CFAP20DC: variants seen among roughly 807,000 people sequenced by gnomAD.
CFAP20DC encodes the protein protein CFAP20DC.
CFAP20DC carries 84 observed loss-of-function variants against 101.7 expected under a neutral mutation model. That is an observed-to-expected ratio of 0.83 (90% CI 0.69 to 0.99). CFAP20DC has a LOEUF of 0.99. Ranked by LOEUF, CFAP20DC falls within the 50% of genes least tolerant of loss-of-function variation. CFAP20DC has a pLI of 0.00. For synonymous variants in CFAP20DC, 359 were observed against 351.2 expected (o/e 1.02, Z -0.25); for missense variants, 1,007 against 970.3 (o/e 1.04, Z -0.50).
chr3:58,776,186 G>C (rs2071325348), intron 15 of CFAP20DC, among the ~76,000 whole-genome samples: 1 of 152,188 alleles, frequency 6.6e-6, no homozygotes, highest in Non-Finnish European at 1.5e-5. Context: ...TTGGAATTTT[G>C]CTGGGTTTAT....
In CFAP20DC at chr3:58,752,578, A is replaced by G. The variant is rs76847797; in HGVS notation, c.2332+1191T>C. Among the ~76,000 whole-genome samples, 1,059 of 152,266 alleles carry G rather than the reference A, an allele frequency of 7.0e-3. 14 individuals are homozygous for G. Among genetic ancestry groups the G allele is most frequent in the African/African-American group, 0.024 (983 of 41,538 alleles). On this transcript the variant is annotated intron_variant, in intron 16 of 16. Transcript: ENST00000482387. ...CTGTGGCTTATTTAGGACACCTAAC[A>G]TAACACATTATTTGTTCCCTCACAG...
At position 58,868,399 on chromosome 3, in the gene CFAP20DC, T is replaced by C. The variant is rs2079868734; in HGVS notation, c.1016-463A>G. Among the ~76,000 whole-genome samples the C allele has an allele frequency of 6.6e-6, 1 of 152,170 alleles. No individual in the cohort carries two copies. The highest frequency in any genetic ancestry group is 1.5e-5 in the Non-Finnish European group (1 of 68,008). ...TTCTAAGTACGATTTAATTTAGCAA[T>C]AATAATAATCATAGCAGCATTTAAC... On this transcript the variant is annotated intron_variant, in intron 9 of 16. Coordinates refer to ENST00000482387, the MANE Select transcript of CFAP20DC (RefSeq NM_001394063.1). The surrounding 1 kb of genome is among the most constrained non-coding windows in gnomAD (Gnocchi z 4.6).
At chr3:58,930,893 C>T (rs1033257079) in intron 5 of CFAP20DC, among the ~76,000 whole-genome samples, 15 of 152,158 alleles carry the variant, frequency 9.9e-5, no homozygotes, top group Non-Finnish European at 1.9e-4. Context: ...GGGTTCATCT[C>T]ACTAGGGAGT....
chr3:59,047,140 T>C, intron 2 of CFAP20DC, 25 bp downstream of exon 2: 3 of 1,402,970 alleles, frequency 2.1e-6, no homozygotes, highest in Non-Finnish European at 9.7e-7. Context: ...CCCTGATTTA[T>C]GTGGCTCTAA....
intron 16 of CFAP20DC, among the ~76,000 whole-genome samples, chr3:58,744,676 G>T (rs958915611): frequency 1.3e-5 from 2 of 152,154 alleles, no homozygotes; most frequent in East Asian, 3.9e-4. Context: ...AGCATATGAA[G>T]GGTGGCATAG....
rs932209935 is a variant in CFAP20DC, at chr3:58,913,420, G to A, written c.550+288C>T. On this transcript the variant is annotated intron_variant, in intron 6 of 16. Coordinates refer to ENST00000482387, the MANE Select transcript of CFAP20DC (RefSeq NM_001394063.1). This position sits in a 1 kb window ranked among gnomAD's most constrained non-coding sequence, Gnocchi z 4.4. ...TCCTGTTCTTTTTCAACCACCTAAA[G>A]AGGATTATGTTGTTTGTAACTAAGG... The A allele has an allele frequency of 1.6e-5, 9 of 555,346 alleles. No individual in the cohort carries two copies. Among genetic ancestry groups the A allele is most frequent in the South Asian group, 5.2e-5 (2 of 38,828 alleles). The allele number at this position is 555,346 out of a possible 1,614,324, so 34.4% of individuals were successfully genotyped here. A position where few individuals can be genotyped will look rare whatever the true frequency, so the allele number is the denominator to read the frequency against.
At position 59,049,946 on chromosome 3, in the gene CFAP20DC, C is replaced by A; in HGVS notation, c.-315G>T. 1 of 331,360 alleles carries A rather than the reference C, an allele frequency of 3.0e-6. No homozygotes were observed. The highest frequency in any genetic ancestry group is 8.3e-4 in the Middle Eastern group (1 of 1,202). The allele number at this position is 331,360 out of a possible 1,614,324, so 20.5% of individuals were successfully genotyped here. The stretch of plus-strand genomic sequence containing the variant: ...TGTGTGTAACCTACGTGACGGGGCG[C>A]CCAGTCGCGGAGCCACAGACAACCG... On this transcript the variant is annotated 5_prime_UTR_variant, in exon 1 of 17. Coordinates refer to ENST00000482387, the MANE Select transcript of CFAP20DC (RefSeq NM_001394063.1).
At chr3:59,026,935 G>GCAA (rs2093904220) in intron 4 of CFAP20DC, among the ~76,000 whole-genome samples, 2 of 152,178 alleles carry the variant, frequency 1.3e-5, no homozygotes, top group African/African-American at 4.8e-5. Flanking sequence ...AGGAAGCTTT[G>GCAA]AGGTCTACGT....
intron 4 of CFAP20DC, among the ~76,000 whole-genome samples, chr3:59,033,981 A>G (rs994904875): frequency 6.6e-6 from 1 of 152,262 alleles, no homozygotes; most frequent in Non-Finnish European, 1.5e-5. Flanking sequence ...AGGGAAGCCC[A>G]TCAGACTAAC....
intron 6 of CFAP20DC, among the ~76,000 whole-genome samples, chr3:58,900,069 T>C (rs2083015805): frequency 6.6e-6 from 1 of 152,184 alleles, no homozygotes; most frequent in Non-Finnish European, 1.5e-5. Flanking sequence ...GACATTTAAG[T>C]TGAGTCATAA....
intron 4 of CFAP20DC, among the ~76,000 whole-genome samples, chr3:58,962,838 C>T (rs956188974): frequency 2.6e-5 from 4 of 152,052 alleles, no homozygotes; most frequent in African/African-American, 4.8e-5. Context: ...GAGCACGTAG[C>T]TTCCTGACCC....
At chr3:58,870,894 CAAA>C (rs548763648) in intron 7 of CFAP20DC, among the ~76,000 whole-genome samples, 464 of 18,764 alleles carry the variant, frequency 0.025, no homozygotes, top group African/African-American at 0.048. Context: ...GACTCCGTCT[CAAA>C]AAAAAAAAAA....
chr3:58,723,213 A>G, intron 3 of CFAP20DC, among the ~76,000 whole-genome samples: 1 of 152,260 alleles, frequency 6.6e-6, no homozygotes, highest in East Asian at 1.9e-4. Flanking sequence ...TAAATTGCTT[A>G]TAGTAAGATT....
chr3:58,995,416 T>A (rs1197300160), intron 4 of CFAP20DC, among the ~76,000 whole-genome samples: 2 of 151,958 alleles, frequency 1.3e-5, no homozygotes, highest in Non-Finnish European at 2.9e-5. Flanking sequence ...TTTTAAAAAA[T>A]TTATTCAAAT....
chr3:58,889,026 T>C (rs1246779435), intron 6 of CFAP20DC, among the ~76,000 whole-genome samples: 2 of 152,146 alleles, frequency 1.3e-5, no homozygotes, highest in Non-Finnish European at 2.9e-5. Flanking sequence ...TTTAGTATTT[T>C]GTTTAATCCA....
At chr3:58,879,041 GA>G (rs1407086596) in intron 7 of CFAP20DC, among the ~76,000 whole-genome samples, 1 of 151,106 alleles carries the variant, frequency 6.6e-6, no homozygotes. Context: ...ATGCACCTCT[GA>G]AACCAGCCTG....
At chr3:58,832,929 T>C (rs2076494073) in intron 13 of CFAP20DC, among the ~76,000 whole-genome samples, 1 of 152,180 alleles carries the variant, frequency 6.6e-6, no homozygotes, top group Non-Finnish European at 1.5e-5. Flanking sequence ...TTAAAAGCAA[T>C]TTGAAAATTT....
intron 6 of CFAP20DC, among the ~76,000 whole-genome samples, chr3:58,891,393 G>A (rs1340950597): frequency 1.3e-5 from 2 of 150,906 alleles, no homozygotes; most frequent in African/African-American, 4.9e-5. Flanking sequence ...CCGCATGAGA[G>A]GGAGACCGTG....
At chr3:58,986,078 A>G (rs1436241258) in intron 4 of CFAP20DC, among the ~76,000 whole-genome samples, 5 of 152,234 alleles carry the variant, frequency 3.3e-5, no homozygotes, top group East Asian at 1.9e-4. Flanking sequence ...GATTTTATCA[A>G]CATGAACTGA....
Sources: gnomAD v4.1 joint callset for allele counts (sites outside exome capture counted in the v4.1 genomes callset) on GRCh38, gnomAD v4.1.1 for gene constraint, Gnocchi (gnomAD v3.1) non-coding constraint, MANE v1.5 for transcripts, NCBI Gene and HGNC (gene_info 2026-07-23, HGNC 2026-07-21) for gene names.